CALN1: variants seen among roughly 807,000 people sequenced by gnomAD.
The protein encoded by CALN1 is calcium-binding protein 8.
A neutral mutation model predicts 30.6 loss-of-function variants in CALN1; 17 were observed. That is an observed-to-expected ratio of 0.56 (90% CI 0.38 to 0.83). CALN1 has a LOEUF of 0.83. CALN1 is among the 40% of genes least tolerant of loss of function. CALN1 has a pLI of 0.00. For missense variants in CALN1, 291 were observed against 354.9 expected (o/e 0.82, Z 1.45); for synonymous variants, 156 against 131.4 (o/e 1.19, Z -1.28).
intron 4 of CALN1, among the ~76,000 whole-genome samples, chr7:72,052,129 G>A (rs1276829108): frequency 8.5e-5 from 13 of 152,140 alleles, no homozygotes; most frequent in Admixed American, 7.9e-4. Context: ...TAGAAAAAAA[G>A]AAATGACTCC....
chr7:72,290,176 G>T (rs1282857460), intron 2 of CALN1, among the ~76,000 whole-genome samples: 1 of 144,732 alleles, frequency 6.9e-6, no homozygotes, highest in Admixed American at 7.0e-5. Flanking sequence ...TTAAAAGTGG[G>T]CTCTCACAAG....
chr7:71,866,066 C>T (rs753023535), intron 5 of CALN1, among the ~76,000 whole-genome samples: 1 of 151,806 alleles, frequency 6.6e-6, no homozygotes, highest in African/African-American at 2.4e-5. Flanking sequence ...AGTGCAGTGG[C>T]ATGATCTTGG....
intron 5 of CALN1, among the ~76,000 whole-genome samples, chr7:71,980,827 C>T (rs1266036983): frequency 6.6e-6 from 1 of 152,138 alleles, no homozygotes; most frequent in Non-Finnish European, 1.5e-5. Context: ...TCCTCCCCTC[C>T]TGTGGAAAGA....
chr7:72,489,744 G>C, the CALN1 span, among the ~76,000 whole-genome samples: 1 of 152,200 alleles, frequency 6.6e-6, no homozygotes, highest in Non-Finnish European at 1.5e-5. Context: ...GGGTCCCATG[G>C]TAGCCCCAAC....
chr7:71,991,819 C>A (rs1200607208), intron 5 of CALN1, among the ~76,000 whole-genome samples: 1 of 152,176 alleles, frequency 6.6e-6, no homozygotes, highest in Non-Finnish European at 1.5e-5. Context: ...CTCTTCCTTT[C>A]TTAAAAAACA....
chr7:71,984,300 C>G (rs1455688840), intron 5 of CALN1, among the ~76,000 whole-genome samples: 1 of 152,090 alleles, frequency 6.6e-6, no homozygotes, highest in Non-Finnish European at 1.5e-5. Context: ...GGAAGCCAGC[C>G]AAGTAGAATT....
chr7:71,897,965 C>CAAAAAAAAAAA (rs1217388366), intron 5 of CALN1, among the ~76,000 whole-genome samples: 1 of 55,124 alleles, frequency 1.8e-5, no homozygotes, highest in Admixed American at 3.2e-4. Context: ...TGGAAAAAAA[C>CAAAAAAAAAAA]AAAAAACAAA....
chr7:72,220,042 TG>T (rs1412802426), intron 3 of CALN1, among the ~76,000 whole-genome samples: 2 of 152,060 alleles, frequency 1.3e-5, no homozygotes, highest in African/African-American at 4.8e-5. Context: ...TAATTTTTTT[TG>T]TTTTATTATT....
upstream of CALN1, among the ~76,000 whole-genome samples, chr7:72,416,036 C>T (rs75661970): frequency 9.5e-3 from 1,447 of 152,282 alleles, 16 homozygotes; most frequent in African/African-American, 0.033. Context: ...CCGTTCCCTT[C>T]GCCCTACCCT....
chr7:72,054,484 T>TATAC (rs1563015687), intron 4 of CALN1, among the ~76,000 whole-genome samples: 3 of 124,106 alleles, frequency 2.4e-5, no homozygotes, highest in Admixed American at 8.1e-5. Flanking sequence ...TACATACATA[T>TATAC]ATATATACAT....
chr7:72,166,799 T>C (rs1168396930), intron 3 of CALN1, among the ~76,000 whole-genome samples: 1 of 152,076 alleles, frequency 6.6e-6, no homozygotes, highest in Non-Finnish European at 1.5e-5. Flanking sequence ...TCCCAGCACT[T>C]TGGGAGGCCA....
intron 2 of CALN1, among the ~76,000 whole-genome samples, chr7:72,279,106 A>G (rs1019052920): frequency 6.6e-6 from 1 of 152,116 alleles, no homozygotes; most frequent in African/African-American, 2.4e-5. Flanking sequence ...CCATCGAACT[A>G]TCTCTTTGCA....
At chr7:72,251,431 C>T (rs1212097462) in intron 3 of CALN1, among the ~76,000 whole-genome samples, 1 of 151,984 alleles carries the variant, frequency 6.6e-6, no homozygotes, top group Non-Finnish European at 1.5e-5. Flanking sequence ...CAGAGTGTTG[C>T]TCTGTTGCCC....
intron 2 of CALN1, among the ~76,000 whole-genome samples, chr7:72,289,463 T>C (rs796540851): frequency 9.2e-5 from 14 of 152,298 alleles, no homozygotes; most frequent in African/African-American, 3.1e-4. Context: ...GTGAAGGCAG[T>C]GATATACTGG....
At chr7:72,039,753 G>C (rs1028205384) in intron 4 of CALN1, among the ~76,000 whole-genome samples, 2 of 152,142 alleles carry the variant, frequency 1.3e-5, no homozygotes, top group African/African-American at 4.8e-5. Flanking sequence ...TCACCCTTTT[G>C]GCTACTGAAA....
chr7:71,973,998 T>C (rs1797978264), intron 5 of CALN1, among the ~76,000 whole-genome samples: 1 of 152,164 alleles, frequency 6.6e-6, no homozygotes, highest in South Asian at 2.1e-4. Flanking sequence ...TCAAAATGTC[T>C]AAATAATGAG....
chr7:72,274,299 G>A (rs1393489606), intron 3 of CALN1, among the ~76,000 whole-genome samples: 1 of 152,216 alleles, frequency 6.6e-6, no homozygotes, highest in East Asian at 1.9e-4. Context: ...CTTAAGGTCA[G>A]GAGTTCAATA....
At chr7:72,296,823 T>C (rs1306519916) in intron 2 of CALN1, among the ~76,000 whole-genome samples, 1 of 151,040 alleles carries the variant, frequency 6.6e-6, no homozygotes, top group African/African-American at 2.4e-5. Context: ...CTGGATTCAT[T>C]GATTTTTTGA....
intron 6 of CALN1, among the ~76,000 whole-genome samples, chr7:71,799,446 T>TTAG (rs1562789433): frequency 2.6e-4 from 35 of 136,460 alleles, no homozygotes; most frequent in African/African-American, 9.2e-4. Flanking sequence ...TATTTATTTA[T>TTAG]TTATTTAGTT....
Sources: gnomAD v4.1 joint callset for allele counts (sites outside exome capture counted in the v4.1 genomes callset) on GRCh38, gnomAD v4.1.1 for gene constraint, MANE v1.5 for transcripts, NCBI Gene and HGNC (gene_info 2026-07-23, HGNC 2026-07-21) for gene names.